Variants in PHF24 observed in about 807,000 individuals in gnomAD.
PHF24 encodes the protein PHD finger protein 24.
A neutral mutation model predicts 42.6 loss-of-function variants in PHF24; 25 were observed. The ratio of observed to expected loss-of-function variants is 0.59; its 90% CI spans 0.43 to 0.82. The LOEUF is 0.82. Among genes scored for constraint, PHF24 ranks in the 40% least tolerant of loss-of-function variants. The pLI is 0.00. For missense variants in PHF24, 470 were observed against 538.1 expected (o/e 0.87, Z 1.25); for synonymous variants, 185 against 204.8 (o/e 0.90, Z 0.83).
the PHF24 span, among the ~76,000 whole-genome samples, chr9:34,739,155 CATT>C: frequency 7.9e-5 from 12 of 152,290 alleles, no homozygotes; most frequent in South Asian, 2.3e-3. Flanking sequence ...CCTATTTATT[CATT>C]ATCTTGAAAC....
chr9:34,923,013 G>A, the PHF24 span: 40 of 615,298 alleles, frequency 6.5e-5, no homozygotes, highest in Non-Finnish European at 8.9e-5. Flanking sequence ...CCTGGGCTCC[G>A]GCCCGCCTAG....
the PHF24 span, among the ~76,000 whole-genome samples, chr9:34,769,764 G>A: frequency 6.6e-6 from 1 of 152,190 alleles, no homozygotes; most frequent in Non-Finnish European, 1.5e-5. Flanking sequence ...GAGCATGTAT[G>A]TATTAGTATA....
At chr9:34,712,835 A>G in the PHF24 span, among the ~76,000 whole-genome samples, 1 of 152,120 alleles carries the variant, frequency 6.6e-6, no homozygotes, top group Non-Finnish European at 1.5e-5. Flanking sequence ...TCTCACCCTT[A>G]TCATCAAACC....
the PHF24 span, chr9:34,728,569 C>T: frequency 6.5e-6 from 10 of 1,543,730 alleles, no homozygotes; most frequent in Non-Finnish European, 8.8e-6. Context: ...TGGGAAACAC[C>T]CACAGTGGAA....
the PHF24 span, among the ~76,000 whole-genome samples, chr9:34,935,699 A>C: frequency 6.6e-6 from 1 of 151,468 alleles, no homozygotes; most frequent in Non-Finnish European, 1.5e-5. Flanking sequence ...GCCATAAATT[A>C]AAAAGGGTTG....
At chr9:34,965,846 G>C (rs1826750343) in intron 1 of PHF24, among the ~76,000 whole-genome samples, 1 of 152,100 alleles carries the variant, frequency 6.6e-6, no homozygotes, top group Non-Finnish European at 1.5e-5. Context: ...GCATACCATT[G>C]GTTTTCCTCT....
chr9:34,976,534 G>T lies in PHF24; in HGVS notation c.644-1G>T. ...TGGCTAGCACGGGGTGCCTCCCACA[G>T]ATTGCTCCCTGACACTGGAGGACTT... is the stretch of plus-strand genomic sequence containing the variant. On this transcript the variant is annotated splice_acceptor_variant, in intron 4 of 7. Transcript: ENST00000242315. LOFTEE classifies it high-confidence loss of function. The T allele has an allele frequency of 6.2e-7, 1 of 1,610,196 alleles. No individual in the cohort carries two copies. Among genetic ancestry groups the T allele is most frequent in the Non-Finnish European group, 8.5e-7 (1 of 1,177,060 alleles).
At chr9:34,921,392 A>C in the PHF24 span, among the ~76,000 whole-genome samples, 1 of 152,300 alleles carries the variant, frequency 6.6e-6, no homozygotes, top group South Asian at 2.1e-4. Flanking sequence ...AACCTAAAAA[A>C]AAAGTTAAAT....
At chr9:34,898,575 T>G in the PHF24 span, among the ~76,000 whole-genome samples, 2 of 152,176 alleles carry the variant, frequency 1.3e-5, no homozygotes, top group Non-Finnish European at 2.9e-5. Context: ...ATGAGAAGAC[T>G]TTTTCAAACA....
chr9:34,976,463 G>A, intron 4 of PHF24, 72 bp from the exon 5 acceptor site: 1 of 1,512,176 alleles, frequency 6.6e-7, no homozygotes, highest in South Asian at 1.2e-5. Context: ...CCCCGAGGGT[G>A]CCCTGGAGGT....
At chr9:34,815,230 A>G in the PHF24 span, among the ~76,000 whole-genome samples, 1 of 152,314 alleles carries the variant, frequency 6.6e-6, no homozygotes, top group East Asian at 1.9e-4. Context: ...TTCCTCCCAA[A>G]ACTAAAGCTA....
chr9:34,863,514 G>T, the PHF24 span, among the ~76,000 whole-genome samples: 1 of 152,052 alleles, frequency 6.6e-6, no homozygotes, highest in East Asian at 1.9e-4. Flanking sequence ...TAATCCAGAG[G>T]ATTCTTCTGG....
chr9:34,777,470 G>T, the PHF24 span, among the ~76,000 whole-genome samples: 7 of 152,306 alleles, frequency 4.6e-5, no homozygotes, highest in Non-Finnish European at 8.8e-5. Context: ...TAGGGCGAGG[G>T]CAGTGAAGTT....
chr9:34,971,602 C>A (rs746469742), exon 2 of PHF24: 16 of 1,613,946 alleles, frequency 9.9e-6, no homozygotes, highest in Non-Finnish European at 1.1e-5. Context: ...ATTCACACCC[C>A]CTGCGTTCAT....
the PHF24 span, among the ~76,000 whole-genome samples, chr9:34,821,423 G>A: frequency 6.6e-6 from 1 of 152,024 alleles, no homozygotes; most frequent in African/African-American, 2.4e-5. Context: ...AATTTCTCAG[G>A]GTTCCCTTTC....
At chr9:34,756,779 A>C in the PHF24 span, among the ~76,000 whole-genome samples, 1 of 152,124 alleles carries the variant, frequency 6.6e-6, no homozygotes, top group Non-Finnish European at 1.5e-5. Context: ...TAGGGATTGC[A>C]TTGACTCTGT....
chr9:34,883,916 G>A, the PHF24 span, among the ~76,000 whole-genome samples: 3 of 152,178 alleles, frequency 2.0e-5, no homozygotes, highest in African/African-American at 4.8e-5. Context: ...ACATGCACAC[G>A]TATGTTTATT....
At chr9:34,893,003 T>C in the PHF24 span, 1 of 806,356 alleles carries the variant, frequency 1.2e-6, no homozygotes, top group South Asian at 1.6e-5. Context: ...AGAGGAGCCC[T>C]GTGATGGCCC....
At chr9:34,758,254 C>A in the PHF24 span, among the ~76,000 whole-genome samples, 42 of 152,248 alleles carry the variant, frequency 2.8e-4, no homozygotes, top group Admixed American at 2.7e-3. The surrounding 1 kb of genome is among the most constrained non-coding windows in gnomAD (Gnocchi z 4.4). Context: ...AACAGGGTAA[C>A]GGACATGGGG....
Sources: allele counts gnomAD v4.1 joint callset (sites outside exome capture counted in the v4.1 genomes callset), GRCh38; gene constraint gnomAD v4.1.1; non-coding constraint Gnocchi (gnomAD v3.1); transcripts MANE v1.5; gene names NCBI Gene and HGNC (gene_info 2026-07-23, HGNC 2026-07-21).